Variants in BICDL1 observed in about 807,000 individuals in gnomAD.
BICDL1 encodes BICD family like cargo adaptor 1.
In BICDL1, 20 loss-of-function variants were observed where a neutral mutation model predicts 76.8. That is an observed-to-expected ratio of 0.26 (90% CI 0.18 to 0.38). The LOEUF (loss-of-function observed/expected upper bound fraction) is 0.38. BICDL1 is among the 10% of genes least tolerant of loss of function. BICDL1 has a pLI of 1.00. For missense variants in BICDL1, 700 were observed against 798.6 expected, an observed-to-expected ratio of 0.88 and a Z score of 1.49; for synonymous variants, 383 against 337.1, an observed-to-expected ratio of 1.14 and a Z score of -1.49.
At chr12:120,014,578 G>T (rs1952021983) in intron 2 of BICDL1, among the ~76,000 whole-genome samples, 1 of 151,910 alleles carries the variant, frequency 6.6e-6, no homozygotes. Context: ...TTTCATCCCA[G>T]CTACTCAGGA....
chr12:120,072,894 A>G (rs1452137820), intron 6 of BICDL1, among the ~76,000 whole-genome samples, 165 bp downstream of exon 6: 1 of 152,152 alleles, frequency 6.6e-6, no homozygotes, highest in East Asian at 1.9e-4. Flanking sequence ...TTTTTGAGAC[A>G]GAGTCTCGCT....
rs1436100029 is a variant in BICDL1 at position 119,990,187 on chromosome 12, G to T, written c.319G>T (p.Glu107Ter). ...PELLSVIRQK[E>*]KDLVLAARLG... ...GCTGCTGTCGGTGATCCGACAGAAGGAGAAGGATCTGGTGTTGGCGGCCCG... is the reference window on the plus strand; with the variant it reads ...GCTGCTGTCGGTGATCCGACAGAAGTAGAAGGATCTGGTGTTGGCGGCCCG... The change falls in exon 1 of 10, where the codon GAG (glutamate) becomes TAG (stop). Residue 107 changes from glutamate (E) to a stop codon, truncating the protein, a stop_gained. Coordinates refer to ENST00000548673, the MANE Select transcript of BICDL1 (RefSeq NM_001367886.1). LOFTEE classifies it high-confidence loss of function. 1 of 1,558,448 alleles carries T rather than the reference G, an allele frequency of 6.4e-7. No individual in the cohort carries two copies. The highest frequency in any genetic ancestry group is 8.7e-7 in the Non-Finnish European group (1 of 1,151,574).
intron 1 of BICDL1, among the ~76,000 whole-genome samples, chr12:119,990,554 A>C (rs1951498860): frequency 6.6e-6 from 1 of 152,224 alleles, no homozygotes; most frequent in Non-Finnish European, 1.5e-5. Flanking sequence ...TACTGTACCC[A>C]GCATCTAAAA....
At chr12:120,021,620 C>A (rs1952184316) in intron 2 of BICDL1, among the ~76,000 whole-genome samples, 1 of 146,188 alleles carries the variant, frequency 6.8e-6, no homozygotes, top group Non-Finnish European at 1.5e-5. Flanking sequence ...AGAGAATCAG[C>A]CAGGTGTGGT....
intron 2 of BICDL1, among the ~76,000 whole-genome samples, chr12:120,052,053 G>A (rs1231421837): frequency 6.6e-6 from 1 of 151,988 alleles, no homozygotes; most frequent in African/African-American, 2.4e-5. Flanking sequence ...TGATTCTCCT[G>A]CCTCAGCCTC....
chr12:120,056,958 TG>T (rs2138876936), intron 2 of BICDL1: 1 of 429,642 alleles, frequency 2.3e-6, no homozygotes, highest in East Asian at 6.2e-5. Context: ...GAGGGGAGGC[TG>T]GGCCCTGTGC....
At position 120,094,301 on chromosome 12, in the gene BICDL1, G is replaced by A; in HGVS notation, c.*1140G>A. On this transcript the variant is annotated 3_prime_UTR_variant, in exon 10 of 10. Transcript: ENST00000548673. ...CACGTGGGGAAAGCACAGCAGGGAT[G>A]CGCGGCAAGAATGTACCTGTAGATG... 1 of 456,794 alleles carries A rather than the reference G, an allele frequency of 2.2e-6. No individual in the cohort carries two copies. Among genetic ancestry groups the A allele is most frequent in the Non-Finnish European group, 4.4e-6 (1 of 226,990 alleles). 28.3% of individuals were successfully genotyped at this position (456,794 alleles called of 1,614,324 possible). A position where few individuals can be genotyped will look rare whatever the true frequency, so the allele number is the denominator to read the frequency against.
intron 2 of BICDL1, among the ~76,000 whole-genome samples, chr12:120,013,470 G>GTGTT (rs1278454375): frequency 6.6e-6 from 1 of 151,450 alleles, no homozygotes; most frequent in East Asian, 1.9e-4. Context: ...GTGTGTGTGT[G>GTGTT]TGTGTGTGTG....
At chr12:120,031,946 C>T (rs913899472) in intron 2 of BICDL1, among the ~76,000 whole-genome samples, 31 of 151,898 alleles carry the variant, frequency 2.0e-4, no homozygotes, top group East Asian at 3.9e-4. Context: ...AAAAATTAGC[C>T]GGGCATGGTG....
intron 2 of BICDL1, among the ~76,000 whole-genome samples, chr12:120,003,829 G>C (rs1269792329): frequency 6.6e-6 from 1 of 152,208 alleles, no homozygotes; most frequent in Non-Finnish European, 1.5e-5. Context: ...CTACTGATGG[G>C]TATGGAAATG....
chr12:119,999,715 G>A, intron 2 of BICDL1: 1 of 405,622 alleles, frequency 2.5e-6, no homozygotes, highest in South Asian at 1.8e-5. Flanking sequence ...TTAAACAAAT[G>A]CAGGAATGTT....
intron 1 of BICDL1, among the ~76,000 whole-genome samples, chr12:119,995,442 G>A (rs761115435): frequency 2.0e-5 from 3 of 152,158 alleles, no homozygotes; most frequent in Non-Finnish European, 4.4e-5. Context: ...GGATTGGATT[G>A]TTTCAGTTGC....
chr12:120,060,140 C>T (rs999688199), intron 2 of BICDL1, among the ~76,000 whole-genome samples: 6 of 152,206 alleles, frequency 3.9e-5, no homozygotes. Flanking sequence ...GCAATTAGCA[C>T]AGTTCTTGAC....
intron 2 of BICDL1, among the ~76,000 whole-genome samples, chr12:120,034,334 GACT>G (rs1460775369): frequency 6.6e-6 from 1 of 152,194 alleles, no homozygotes; most frequent in Non-Finnish European, 1.5e-5. Flanking sequence ...GGCGTGACTG[GACT>G]ACTTTTATAA....
chr12:119,991,528 C>G (rs565469797), intron 1 of BICDL1, among the ~76,000 whole-genome samples: 1 of 152,292 alleles, frequency 6.6e-6, no homozygotes, highest in South Asian at 2.1e-4. Context: ...GTTTGTGAAA[C>G]CTATAGGTAG....
In BICDL1 at chr12:120,071,509, A is replaced by T; in HGVS notation, c.910-113A>T. On this transcript the variant is annotated intron_variant, in intron 4 of 9. Transcript: ENST00000548673. This position sits in a 1 kb window ranked among gnomAD's most constrained non-coding sequence, Gnocchi z 4.8. Reference sequence around the variant, plus strand: ...GTAGTTTAACATGTTCTTCTCTCCTATTTATTTTTCTATAAATTGGTGGTT... The same window carrying T: ...GTAGTTTAACATGTTCTTCTCTCCTTTTTATTTTTCTATAAATTGGTGGTT... 7.3e-7 allele frequency: 1 copy of T among 1,374,510 alleles called. No individual in the cohort carries two copies. Among genetic ancestry groups the T allele is most frequent in the Non-Finnish European group, 9.6e-7 (1 of 1,041,708 alleles). 85.1% of individuals were successfully genotyped at this position (1,374,510 alleles called of 1,614,324 possible).
At chr12:120,041,732 G>T (rs1952646273) in intron 2 of BICDL1, among the ~76,000 whole-genome samples, 1 of 152,162 alleles carries the variant, frequency 6.6e-6, no homozygotes, top group South Asian at 2.1e-4. Context: ...TCTGAGGAAA[G>T]CATGTTCCAG....
At chr12:120,084,902 A>AG (rs1192167205) in intron 8 of BICDL1, among the ~76,000 whole-genome samples, 7 of 151,902 alleles carry the variant, frequency 4.6e-5, no homozygotes, top group Non-Finnish European at 1.0e-4. Flanking sequence ...AAAAAAAAAA[A>AG]AAAAATTACT....
intron 3 of BICDL1, among the ~76,000 whole-genome samples, chr12:120,062,195 G>A (rs2138902307): frequency 6.6e-6 from 1 of 152,244 alleles, no homozygotes; most frequent in South Asian, 2.1e-4. Flanking sequence ...TGCAAAATGA[G>A]AGAAATAGAA....
Sources: allele counts gnomAD v4.1 joint callset (sites outside exome capture counted in the v4.1 genomes callset), GRCh38; gene constraint gnomAD v4.1.1; non-coding constraint Gnocchi (gnomAD v3.1); transcripts MANE v1.5; gene names NCBI Gene and HGNC (gene_info 2026-07-23, HGNC 2026-07-21).